The following PRKD1 variants were observed in gnomAD, a reference collection of about 807,000 sequenced individuals.
The protein encoded by PRKD1 is serine/threonine-protein kinase D1.
Under a neutral mutation model 95.9 loss-of-function variants are expected in PRKD1, and 63 were observed. The ratio of observed to expected loss-of-function variants is 0.66; its 90% CI spans 0.54 to 0.81. The LOEUF is 0.81. PRKD1 is among the 30% of genes least tolerant of loss of function. The pLI, the probability that PRKD1 is intolerant of heterozygous loss-of-function variation, is 0.00. For synonymous variants in PRKD1, 425 were observed against 423.1 expected, an observed-to-expected ratio of 1.00 and a Z score of -0.05; for missense variants, 1,048 against 1,165.3, an observed-to-expected ratio of 0.90 and a Z score of 1.47.
chr14:29,654,640 C>T (rs780299058), intron 4 of PRKD1, among the ~76,000 whole-genome samples: 4 of 152,116 alleles, frequency 2.6e-5, no homozygotes, highest in Non-Finnish European at 2.9e-5. Flanking sequence ...TATACAAAGA[C>T]ATATACTATA....
chr14:29,753,364 T>G (rs1887564156), intron 1 of PRKD1, among the ~76,000 whole-genome samples: 1 of 152,136 alleles, frequency 6.6e-6, no homozygotes, highest in African/African-American at 2.4e-5. Flanking sequence ...GGTGCCCCAG[T>G]CCTTGGGTGG....
chr14:29,598,930 A>T, intron 15 of PRKD1, 97 bp downstream of exon 15: 1 of 1,027,974 alleles, frequency 9.7e-7, no homozygotes, highest in Non-Finnish European at 1.5e-6. Context: ...TGAAACAAAT[A>T]AAGGTTTTAA....
intron 2 of PRKD1, among the ~76,000 whole-genome samples, chr14:29,685,468 G>A (rs528480950): frequency 4.6e-5 from 7 of 152,296 alleles, no homozygotes; most frequent in African/African-American, 1.7e-4. Flanking sequence ...ACCACTGCAA[G>A]GGAAGCTGAT....
At chr14:29,633,544 A>G (rs1880168107) in intron 8 of PRKD1, among the ~76,000 whole-genome samples, 1 of 152,160 alleles carries the variant, frequency 6.6e-6, no homozygotes, top group Non-Finnish European at 1.5e-5. Flanking sequence ...TCTAACCACT[A>G]TGATTTGATG....
At chr14:29,783,129 C>A (rs531294619) in intron 1 of PRKD1, among the ~76,000 whole-genome samples, 1 of 152,126 alleles carries the variant, frequency 6.6e-6, no homozygotes, top group Non-Finnish European at 1.5e-5. Context: ...TGTTTGTACC[C>A]GATAACTAAC....
chr14:29,826,856 T>C (rs920446482), intron 1 of PRKD1, among the ~76,000 whole-genome samples: 24 of 96,582 alleles, frequency 2.5e-4, no homozygotes, highest in African/African-American at 5.2e-4. Flanking sequence ...TATATATATA[T>C]ATATATATAT....
intron 13 of PRKD1, among the ~76,000 whole-genome samples, chr14:29,618,023 A>C (rs1335904460): frequency 1.3e-5 from 2 of 152,162 alleles, no homozygotes; most frequent in Non-Finnish European, 2.9e-5. Flanking sequence ...AGCTGTGATC[A>C]CGCCACTGCA....
At chr14:29,790,959 G>A (rs1889517572) in intron 1 of PRKD1, among the ~76,000 whole-genome samples, 2 of 152,146 alleles carry the variant, frequency 1.3e-5, no homozygotes, top group Non-Finnish European at 2.9e-5. Flanking sequence ...CTTCAGTCTA[G>A]GTGACCTCAG....
intron 2 of PRKD1, among the ~76,000 whole-genome samples, chr14:29,692,622 A>T (rs182023341): frequency 1.7e-3 from 256 of 152,228 alleles, no homozygotes; most frequent in Admixed American, 4.2e-3. Flanking sequence ...ATTAAAGCTC[A>T]GTTTGAATGT....
chr14:29,777,732 C>A (rs1277603750), intron 1 of PRKD1, among the ~76,000 whole-genome samples: 1 of 152,152 alleles, frequency 6.6e-6, no homozygotes, highest in Non-Finnish European at 1.5e-5. Flanking sequence ...TTAGACAGAT[C>A]AACGAGACAG....
intron 1 of PRKD1, among the ~76,000 whole-genome samples, chr14:29,743,981 T>G (rs981219729): frequency 6.6e-6 from 1 of 152,190 alleles, no homozygotes; most frequent in Non-Finnish European, 1.5e-5. Flanking sequence ...AATCTCTAGA[T>G]AGGTGCTGGA....
chr14:29,864,655 G>C (rs919164997), intron 1 of PRKD1, among the ~76,000 whole-genome samples: 1 of 152,138 alleles, frequency 6.6e-6, no homozygotes, highest in Non-Finnish European at 1.5e-5. Context: ...GTATGAGTGA[G>C]AGTGTGTAGG....
At chr14:29,632,016 G>T (rs1042509783) in intron 9 of PRKD1, among the ~76,000 whole-genome samples, 1 of 151,268 alleles carries the variant, frequency 6.6e-6, no homozygotes, top group South Asian at 2.1e-4. Context: ...GGCCAGGCTG[G>T]TCTAGAACTC....
chr14:29,621,091 C>CAA (rs36196814), intron 13 of PRKD1, among the ~76,000 whole-genome samples: 76,021 of 143,074 alleles, frequency 0.53, 20,433 homozygotes, highest in East Asian at 0.68. Flanking sequence ...ATCGCAAGGA[C>CAA]AAAAAAAAAC....
At chr14:29,583,899 CT>C in intron 16 of PRKD1, among the ~76,000 whole-genome samples, 1 of 152,230 alleles carries the variant, frequency 6.6e-6, no homozygotes, top group East Asian at 1.9e-4. Flanking sequence ...AGTTACTCTC[CT>C]TCTAACTTCC....
rs150599239 is a variant in PRKD1 at position 29,789,442 on chromosome 14, T to C, written c.265-63768A>G. 6.9e-3 allele frequency among the ~76,000 whole-genome samples: 1,048 copies of C among 152,294 alleles called. 18 individuals are homozygous for C. The highest frequency in any genetic ancestry group is 0.024 in the African/African-American group (981 of 41,550). On this transcript the variant is annotated intron_variant, in intron 1 of 17. Transcript: ENST00000331968. ...TAGCTATAGTGCTGGTTGGGTTGAGTGCTTAGGCTTTGATTCTGGGTGGCT... is the reference window on the plus strand; with the variant it reads ...TAGCTATAGTGCTGGTTGGGTTGAGCGCTTAGGCTTTGATTCTGGGTGGCT...
intron 2 of PRKD1, among the ~76,000 whole-genome samples, chr14:29,712,068 A>T (rs148810876): frequency 6.6e-6 from 1 of 152,292 alleles, no homozygotes; most frequent in East Asian, 1.9e-4. Context: ...CAGAACAAGT[A>T]TGTCTACTCA....
chr14:29,693,140 C>T (rs1262346639), intron 2 of PRKD1, among the ~76,000 whole-genome samples: 1 of 152,142 alleles, frequency 6.6e-6, no homozygotes, highest in Non-Finnish European at 1.5e-5. Context: ...TTGAACTCAA[C>T]AAGCAGTGCA....
At chr14:29,767,191 A>T (rs1474104916) in intron 1 of PRKD1, among the ~76,000 whole-genome samples, 1 of 152,094 alleles carries the variant, frequency 6.6e-6, no homozygotes, top group Non-Finnish European at 1.5e-5. Context: ...CCGCTTGAAC[A>T]ATCTGCCCAG....
Sources: gnomAD v4.1 joint callset for allele counts (sites outside exome capture counted in the v4.1 genomes callset) on GRCh38, gnomAD v4.1.1 for gene constraint, MANE v1.5 for transcripts, NCBI Gene and HGNC (gene_info 2026-07-23, HGNC 2026-07-21) for gene names.